The following CFAP99 variants were observed in gnomAD, a reference collection of about 807,000 sequenced individuals.
CFAP99 encodes the protein cilia- and flagella-associated protein 99.
Under a neutral mutation model 82.7 loss-of-function variants are expected in CFAP99, and 84 were observed. That is an observed-to-expected ratio of 1.02 (90% CI 0.85 to 1.22). CFAP99 has a LOEUF of 1.22. Ranked by LOEUF, CFAP99 falls within the 50% of genes most tolerant of loss-of-function variation. The pLI is 0.00. For missense variants in CFAP99, 1,059 were observed against 983.5 expected, an observed-to-expected ratio of 1.08 and a Z score of -1.03; for synonymous variants, 456 against 429.5, an observed-to-expected ratio of 1.06 and a Z score of -0.76.
chr4:2,458,137 C>G (rs1380467087), intron 11 of CFAP99, among the ~76,000 whole-genome samples: 1 of 152,314 alleles, frequency 6.6e-6, no homozygotes, highest in Non-Finnish European at 1.5e-5. Context: ...GCTGTGGCTG[C>G]GCGGGGAGGG....
Position 2,458,704 on chromosome 4 carries a change from A to G in CFAP99, c.1162-19A>G, listed in dbSNP as rs754284626. The G allele has an allele frequency of 6.6e-7, 1 of 1,525,174 alleles. No individual in the cohort carries two copies. The allele number at this position is 1,525,174 out of a possible 1,614,324, so 94.5% of individuals were successfully genotyped here. A position where few individuals can be genotyped will look rare whatever the true frequency, so the allele number is the denominator to read the frequency against. Reference sequence around the variant, plus strand: ...CCGGAGCAGCCCCACTCACCGTGGCAGGTCCGCTGTCTGGGCAGATGGCCA... The same window carrying G: ...CCGGAGCAGCCCCACTCACCGTGGCGGGTCCGCTGTCTGGGCAGATGGCCA... On this transcript the variant is annotated intron_variant, in intron 11 of 14. Transcript: ENST00000635017.
intron 8 of CFAP99, chr4:2,450,320 C>G (rs1734274416): frequency 4.9e-6 from 2 of 410,632 alleles, no homozygotes; most frequent in Admixed American, 7.4e-5. Flanking sequence ...AAAAAACAAA[C>G]CCAGGTATGT....
Position 2,421,418 on chromosome 4 carries a change from G to A in CFAP99, c.-18+2325G>A, listed in dbSNP as rs1373171786. 4.5e-5 allele frequency among the ~76,000 whole-genome samples: 6 copies of A among 133,054 alleles called. No individual in the cohort carries two copies. In the South Asian group the frequency reaches 1.1e-3, roughly 24 times the overall value. 87.3% of individuals were successfully genotyped at this position (133,054 alleles called of 152,430 possible). A position where few individuals can be genotyped will look rare whatever the true frequency, so the allele number is the denominator to read the frequency against. ...CGCCCAGGCTGGAGTGCAGAGGCACGATCTCAGCTCACTGCGACCTCTGCC... is the reference window on the plus strand; with the variant it reads ...CGCCCAGGCTGGAGTGCAGAGGCACAATCTCAGCTCACTGCGACCTCTGCC... On this transcript the variant is annotated intron_variant, in intron 1 of 14. Transcript: ENST00000635017.
At chr4:2,442,774 C>T (rs971499993) in intron 4 of CFAP99, among the ~76,000 whole-genome samples, 1 of 152,206 alleles carries the variant, frequency 6.6e-6, no homozygotes, top group African/African-American at 2.4e-5. Flanking sequence ...GGCTGCTCCT[C>T]CCAGCTGGAA....
At chr4:2,441,082 A>T (rs933612531) in intron 4 of CFAP99, among the ~76,000 whole-genome samples, 7 of 149,378 alleles carry the variant, frequency 4.7e-5, no homozygotes, top group South Asian at 2.1e-4. Flanking sequence ...ATAATAATAT[A>T]ATAATAATAA....
chr4:2,449,798 T>A lies in CFAP99; in HGVS notation c.723+48T>A, dbSNP rs781581702. ...CTTCCTAGAGACCCCATATGAGGGATGTGTGAAGGGAAGGTGGGGTGGGGA... is the reference window on the plus strand; with the variant it reads ...CTTCCTAGAGACCCCATATGAGGGAAGTGTGAAGGGAAGGTGGGGTGGGGA... On this transcript the variant is annotated intron_variant, in intron 7 of 14. Transcript: ENST00000635017. The A allele has an allele frequency of 7.8e-6, 12 of 1,530,706 alleles. No homozygotes were observed. In the East Asian group the frequency reaches 2.7e-4, roughly 34 times the overall value. 94.8% of individuals were successfully genotyped at this position (1,530,706 alleles called of 1,614,324 possible).
intron 2 of CFAP99, among the ~76,000 whole-genome samples, chr4:2,433,907 C>T (rs1418327790): frequency 6.6e-6 from 1 of 152,202 alleles, no homozygotes; most frequent in African/African-American, 2.4e-5. Flanking sequence ...TGGGCACTTC[C>T]ATGCAGGGCC....
At chr4:2,436,308 A>T (rs945110635) in intron 2 of CFAP99, among the ~76,000 whole-genome samples, 9 of 151,954 alleles carry the variant, frequency 5.9e-5, no homozygotes, top group African/African-American at 7.3e-5. Context: ...TGCATCATTC[A>T]TTTTGGTTAT....
At chr4:2,459,672 G>A (rs1255681234) in intron 13 of CFAP99, among the ~76,000 whole-genome samples, 1 of 152,204 alleles carries the variant, frequency 6.6e-6, no homozygotes, top group Non-Finnish European at 1.5e-5. Flanking sequence ...CATGATGAGG[G>A]GCCAGGCCTC....
intron 12 of CFAP99, 48 bp from the exon 13 acceptor site, chr4:2,459,059 C>G (rs1172430188): frequency 1.3e-5 from 19 of 1,474,572 alleles, no homozygotes; most frequent in Non-Finnish European, 1.5e-5. Flanking sequence ...TGTCCAGCCC[C>G]TGCCCTGCCA....
chr4:2,460,586 T>G (rs1560391903), intron 14 of CFAP99, among the ~76,000 whole-genome samples: 1 of 152,208 alleles, frequency 6.6e-6, no homozygotes, highest in South Asian at 2.1e-4. Flanking sequence ...TCAGACACTT[T>G]AAACACTTCA....
At chr4:2,425,878 C>A (rs915299171) in intron 1 of CFAP99, among the ~76,000 whole-genome samples, 1 of 152,272 alleles carries the variant, frequency 6.6e-6, no homozygotes, top group African/African-American at 2.4e-5. Context: ...CCCGCAAGCC[C>A]TCCCCAGGGC....
At chr4:2,450,880 G>A (rs926964062) in intron 8 of CFAP99, 67 bp from the exon 9 acceptor site, 3 of 1,349,238 alleles carry the variant, frequency 2.2e-6, no homozygotes, top group Admixed American at 2.0e-5. Flanking sequence ...GCATCCACCT[G>A]GTATGTGTTT....
intron 1 of CFAP99, among the ~76,000 whole-genome samples, chr4:2,424,709 C>G (rs949004295): frequency 2.0e-5 from 3 of 152,212 alleles, no homozygotes; most frequent in African/African-American, 7.2e-5. Flanking sequence ...TGCATCGCAG[C>G]CTGGAAATTC....
At chr4:2,440,897 A>C (rs529597036) in intron 4 of CFAP99, among the ~76,000 whole-genome samples, 254 of 151,678 alleles carry the variant, frequency 1.7e-3, no homozygotes, top group African/African-American at 5.5e-3. Flanking sequence ...CCCGGCCAAA[A>C]TTTTTTTTAA....
intron 4 of CFAP99, among the ~76,000 whole-genome samples, chr4:2,438,605 T>C (rs1733972668): frequency 6.6e-6 from 1 of 152,104 alleles, no homozygotes; most frequent in Admixed American, 6.5e-5. Flanking sequence ...TTTTCTTCTG[T>C]ATTTCAAAGA....
chr4:2,426,588 T>C lies in CFAP99; in HGVS notation c.111+2T>C. 6.5e-7 allele frequency: 1 copy of C among 1,529,492 alleles called. No individual in the cohort carries two copies. The highest frequency in any genetic ancestry group is 1.4e-5 in the African/African-American group (1 of 73,006). The allele number at this position is 1,529,492 out of a possible 1,614,324, so 94.7% of individuals were successfully genotyped here. On this transcript the variant is annotated splice_donor_variant, in intron 2 of 14. Coordinates refer to ENST00000635017, the Ensembl canonical transcript of CFAP99. LOFTEE classifies it high-confidence loss of function. ...GAGGCTGCGGCCACCTCCCTGCAGG[T>C]AGGATCTGCTGGGGGCTGCTGGGAG...
intron 1 of CFAP99, among the ~76,000 whole-genome samples, chr4:2,425,354 T>G (rs1361953071): frequency 6.6e-6 from 1 of 152,216 alleles, no homozygotes; most frequent in Non-Finnish European, 1.5e-5. Flanking sequence ...CAGGTCAACA[T>G]GGACCCTTCA....
intron 5 of CFAP99, among the ~76,000 whole-genome samples, chr4:2,444,926 T>C (rs1734126723): frequency 6.6e-6 from 1 of 152,102 alleles, no homozygotes; most frequent in Non-Finnish European, 1.5e-5. Flanking sequence ...GGGGACTGCG[T>C]CTGTATATGT....
Sources: allele counts gnomAD v4.1 joint callset (sites outside exome capture counted in the v4.1 genomes callset), GRCh38; gene constraint gnomAD v4.1.1; transcripts MANE v1.5; gene names NCBI Gene and HGNC (gene_info 2026-07-23, HGNC 2026-07-21).